The following KIAA0319L variants were observed in gnomAD, a reference collection of about 807,000 sequenced individuals.
KIAA0319L encodes the protein KIAA0319 like, also known as dyslexia-associated protein KIAA0319-like protein.
KIAA0319L carries 55 observed loss-of-function variants against 120.1 expected under a neutral mutation model. That is an observed-to-expected ratio of 0.46 (90% CI 0.37 to 0.57). KIAA0319L has a LOEUF of 0.57. KIAA0319L is among the 20% of genes least tolerant of loss of function. The pLI is 0.00. For missense variants in KIAA0319L, 1,049 were observed against 1,255.3 expected (o/e 0.84, Z 2.48); for synonymous variants, 398 against 471.9 (o/e 0.84, Z 2.03).
At chr1:35,507,664 C>A (rs1645257746) in intron 2 of KIAA0319L, among the ~76,000 whole-genome samples, 1 of 152,216 alleles carries the variant, frequency 6.6e-6, no homozygotes. Flanking sequence ...GTACTCTGAA[C>A]CTCATGCAGT....
intron 3 of KIAA0319L, among the ~76,000 whole-genome samples, chr1:35,496,699 T>C (rs1156838803): frequency 1.3e-5 from 2 of 152,024 alleles, no homozygotes; most frequent in Non-Finnish European, 2.9e-5. Context: ...ATCCCACCAC[T>C]TTGGGAGGCC....
chr1:35,466,767 G>A, intron 6 of KIAA0319L, 72 bp from the exon 7 acceptor site: 1 of 1,070,858 alleles, frequency 9.3e-7, no homozygotes, highest in Non-Finnish European at 1.4e-6. Context: ...AGATATATCT[G>A]AACTTTCCCA....
intron 2 of KIAA0319L, among the ~76,000 whole-genome samples, chr1:35,519,946 G>A (rs1416027927): frequency 6.6e-6 from 1 of 152,006 alleles, no homozygotes; most frequent in East Asian, 1.9e-4. Flanking sequence ...TCTGAGAGCT[G>A]GGAAAAAAAT....
Position 35,493,153 on chromosome 1 carries a change from T to C in KIAA0319L, c.666+13459A>G, listed in dbSNP as rs1644661963. Reference sequence around the variant, plus strand: ...TATAGAGAAAATCCTATGGAATCTATACAAAATGCTAACAGAATGAATAAA... The same window carrying C: ...TATAGAGAAAATCCTATGGAATCTACACAAAATGCTAACAGAATGAATAAA... On this transcript the variant is annotated intron_variant, in intron 3 of 20. Transcript: ENST00000325722. Among the ~76,000 whole-genome samples the C allele has an allele frequency of 2.6e-5, 4 of 152,162 alleles. No homozygotes were observed. The South Asian group carries it at 8.3e-4, about 32-fold the overall frequency.
intron 2 of KIAA0319L, among the ~76,000 whole-genome samples, chr1:35,542,621 T>C (rs2148496023): frequency 6.6e-6 from 1 of 152,286 alleles, no homozygotes; most frequent in Non-Finnish European, 1.5e-5. Flanking sequence ...TCACTACTGT[T>C]CATCTGAAAA....
At chr1:35,532,474 G>A (rs1005072755) in intron 2 of KIAA0319L, among the ~76,000 whole-genome samples, 14 of 152,136 alleles carry the variant, frequency 9.2e-5, no homozygotes, top group Non-Finnish European at 7.3e-5. Flanking sequence ...TCTAGTTTCA[G>A]CTCTAGGTCC....
At chr1:35,538,451 C>G (rs1377366004) in intron 2 of KIAA0319L, among the ~76,000 whole-genome samples, 1 of 151,816 alleles carries the variant, frequency 6.6e-6, no homozygotes, top group Non-Finnish European at 1.5e-5. Flanking sequence ...ATCAGCCAGG[C>G]ATGGTGGCAC....
intron 1 of KIAA0319L, chr1:35,556,459 C>T (rs919686748): frequency 6.6e-6 from 1 of 152,228 alleles, no homozygotes; most frequent in South Asian, 2.1e-4. Flanking sequence ...AGTTACAGAA[C>T]AGACTGCCAT....
chr1:35,495,654 T>C (rs1436452118), intron 3 of KIAA0319L, among the ~76,000 whole-genome samples: 1 of 151,834 alleles, frequency 6.6e-6, no homozygotes, highest in African/African-American at 2.4e-5. Context: ...TGTTTGTTTG[T>C]TTGTTGTTGT....
chr1:35,475,342 T>G (rs1020892721), intron 4 of KIAA0319L, among the ~76,000 whole-genome samples: 4 of 152,216 alleles, frequency 2.6e-5, no homozygotes, highest in African/African-American at 9.6e-5. Context: ...ATCACCTTTA[T>G]GCTAACAAAT....
rs574522980 is a variant in KIAA0319L at position 35,481,558 on chromosome 1, T to G, written c.667-2346A>C. Among the ~76,000 whole-genome samples the G allele has an allele frequency of 3.3e-5, 5 of 152,266 alleles. No individual in the cohort carries two copies. The South Asian group carries it at 1.0e-3, about 32-fold the overall frequency. ...CATATTTTCCTGTGCTTATTGACCA[T>G]TTTTTCTTTGAAGAGGCAAAGAGGT... On this transcript the variant is annotated intron_variant, in intron 3 of 20. Transcript: ENST00000325722.
chr1:35,483,234 T>G (rs1453962137), intron 3 of KIAA0319L, among the ~76,000 whole-genome samples: 2 of 152,230 alleles, frequency 1.3e-5, no homozygotes, highest in African/African-American at 4.8e-5. Flanking sequence ...TTAACAAAAA[T>G]TTGTAATTTT....
chr1:35,510,602 A>G lies in KIAA0319L; in HGVS notation c.143-3467T>C, dbSNP rs530698309. On this transcript the variant is annotated intron_variant, in intron 2 of 20. Coordinates refer to ENST00000325722, the MANE Select transcript of KIAA0319L (RefSeq NM_024874.5). ...TTTAAAAACATTTATTTATTTATTT[A>G]TTTATTTATTTATTTATTTATTTAG... The G allele has an allele frequency of 4.6e-5, 7 of 150,686 alleles. No homozygotes were observed. In the East Asian group the frequency reaches 1.4e-3, roughly 29 times the overall value. 9.3% of individuals were successfully genotyped at this position (150,686 alleles called of 1,614,324 possible).
chr1:35,540,968 G>T (rs181497548), intron 2 of KIAA0319L, among the ~76,000 whole-genome samples: 262 of 151,818 alleles, frequency 1.7e-3, no homozygotes, highest in African/African-American at 6.2e-3. Context: ...TCTTGAGACA[G>T]TCTCACTCTG....
intron 3 of KIAA0319L, among the ~76,000 whole-genome samples, chr1:35,504,032 T>A (rs145626473): frequency 6.7e-6 from 1 of 150,258 alleles, no homozygotes; most frequent in Non-Finnish European, 1.5e-5. Context: ...ATTACAGGTG[T>A]GCACCACCTC....
In KIAA0319L at chr1:35,449,763, A is replaced by G. The variant is rs577911274; in HGVS notation, c.2353+104T>C. On this transcript the variant is annotated intron_variant, in intron 15 of 20. Transcript: ENST00000325722. ...TTCTCGATTATTTTTAAAGCTGGAC[A>G]TGCCATCTGGCTCTGTCCATGCTCG... The G allele has an allele frequency of 1.3e-5, 16 of 1,256,084 alleles. No individual in the cohort carries two copies. In the South Asian group the frequency reaches 2.0e-4, roughly 16 times the overall value. 77.8% of individuals were successfully genotyped at this position (1,256,084 alleles called of 1,614,324 possible). A position where few individuals can be genotyped will look rare whatever the true frequency, so the allele number is the denominator to read the frequency against.
intron 4 of KIAA0319L, among the ~76,000 whole-genome samples, 200 bp from the exon 5 acceptor site, chr1:35,475,106 T>C (rs916037047): frequency 6.6e-6 from 1 of 152,230 alleles, no homozygotes; most frequent in Non-Finnish European, 1.5e-5. Context: ...AAACTACTTC[T>C]TAGTAAATCT....
intron 3 of KIAA0319L, among the ~76,000 whole-genome samples, chr1:35,496,805 G>T (rs942517033): frequency 2.6e-5 from 4 of 151,994 alleles, no homozygotes; most frequent in African/African-American, 9.7e-5. Context: ...AAATTAGCTG[G>T]GCGTGGTGGC....
In KIAA0319L at chr1:35,468,143, GT is replaced by G. The variant is rs754901877; in HGVS notation, c.1114-1449del. Among the ~76,000 whole-genome samples the G allele has an allele frequency of 1.1e-3, 161 of 147,480 alleles. 1 individual carries two copies. The highest frequency in any genetic ancestry group is 9.9e-3 in the South Asian group (46 of 4,638). The stretch of plus-strand genomic sequence containing the variant: ...TGTAACAAACATCTTCCAGGCAAAT[GT>G]TTTTTTTTTTCTTTCTTTCTTTCTT... On this transcript the variant is annotated intron_variant, in intron 6 of 20. Coordinates refer to ENST00000325722, the MANE Select transcript of KIAA0319L (RefSeq NM_024874.5).
Sources: allele counts gnomAD v4.1 joint callset (sites outside exome capture counted in the v4.1 genomes callset), GRCh38; gene constraint gnomAD v4.1.1; transcripts MANE v1.5; gene names NCBI Gene and HGNC (gene_info 2026-07-23, HGNC 2026-07-21).